The following MECR variants were observed in gnomAD, a reference collection of about 807,000 sequenced individuals.
MECR encodes the protein enoyl-[acyl-carrier-protein] reductase, mitochondrial.
In MECR, 37 loss-of-function variants were observed where a neutral mutation model predicts 49.1. The ratio of observed to expected loss-of-function variants is 0.75; its 90% CI spans 0.58 to 0.99. The LOEUF is 0.99. Among genes scored for constraint, MECR ranks in the 50% least tolerant of loss-of-function variants. The pLI, the probability that MECR is intolerant of heterozygous loss-of-function variation, is 0.00. For synonymous variants in MECR, 198 were observed against 191.1 expected (o/e 1.04, Z -0.30); for missense variants, 470 against 479.6 (o/e 0.98, Z 0.19).
rs1055805779 is a variant in MECR, at chr1:29,194,193, G to A, written c.965-14C>T. On this transcript the variant is annotated splice_polypyrimidine_tract_variant and intron_variant, in intron 9 of 9. Transcript: ENST00000263702. ...CCTTGAACTGGTCTGCGGGAGGTTGGAGGAAATCAGACAAGAGAACAGCAG... is the reference window on the plus strand; with the variant it reads ...CCTTGAACTGGTCTGCGGGAGGTTGAAGGAAATCAGACAAGAGAACAGCAG... The A allele has an allele frequency of 2.4e-5, 38 of 1,589,756 alleles. No individual in the cohort carries two copies. Among genetic ancestry groups the A allele is most frequent in the Non-Finnish European group, 3.1e-5 (36 of 1,168,022 alleles).
intron 9 of MECR, among the ~76,000 whole-genome samples, chr1:29,194,713 T>TCCTTCTCA (rs1673557988): frequency 6.6e-6 from 1 of 152,144 alleles, no homozygotes; most frequent in South Asian, 2.1e-4. Context: ...CCCTATATGG[T>TCCTTCTCA]ACAGGAAGTT....
chr1:29,169,294 C>G, the MECR span: 5 of 152,206 alleles, frequency 3.3e-5, no homozygotes, highest in Non-Finnish European at 7.3e-5. Context: ...TCTACCACCA[C>G]GTTTTAACCG....
At chr1:29,220,202 T>A (rs1428627621) in intron 1 of MECR, among the ~76,000 whole-genome samples, 1 of 145,544 alleles carries the variant, frequency 6.9e-6, no homozygotes, top group Admixed American at 7.0e-5. Context: ...ACCAGCCTGA[T>A]CAACATGGCG....
In MECR at chr1:29,225,222, C is replaced by T. The variant is rs370880609; in HGVS notation, c.176+5509G>A. ...CTGGTTTCAGCAGACACCTTTCTCACAGGATTACATGAGTGCACAGTAGGC... is the reference window on the plus strand; with the variant it reads ...CTGGTTTCAGCAGACACCTTTCTCATAGGATTACATGAGTGCACAGTAGGC... On this transcript the variant is annotated intron_variant, in intron 1 of 9. Transcript: ENST00000263702. Among the ~76,000 whole-genome samples, 37 of 152,310 alleles carry T rather than the reference C, an allele frequency of 2.4e-4. No homozygotes were observed. The South Asian group carries it at 7.0e-3, about 29-fold the overall frequency.
intron 3 of MECR, among the ~76,000 whole-genome samples, chr1:29,209,809 C>T (rs1574378735): frequency 6.6e-6 from 1 of 152,070 alleles, no homozygotes; most frequent in South Asian, 2.1e-4. Context: ...AGTGGCAGCT[C>T]GGGGCCCTTG....
At chr1:29,203,273 G>A in intron 4 of MECR, 40 bp from the exon 5 acceptor site, 2 of 1,478,890 alleles carry the variant, frequency 1.4e-6, no homozygotes, top group East Asian at 2.5e-5. Flanking sequence ...GCCCTGTATA[G>A]ATCTGCAATA....
chr1:29,182,563 G>C, the MECR span, among the ~76,000 whole-genome samples: 2 of 145,598 alleles, frequency 1.4e-5, no homozygotes, highest in South Asian at 2.2e-4. Flanking sequence ...TTTTTTTTTT[G>C]AGACGAGTTT....
chr1:29,206,704 G>GT, intron 4 of MECR, 58 bp downstream of exon 4: 1 of 1,595,114 alleles, frequency 6.3e-7, no homozygotes, highest in African/African-American at 1.3e-5. Context: ...GGGTCAGGAT[G>GT]TGAGTGGCAC....
rs139230560 is a variant in MECR at position 29,222,085 on chromosome 1, C to T, written c.177-5400G>A. Among the ~76,000 whole-genome samples, 431 of 152,226 alleles carry T rather than the reference C, an allele frequency of 2.8e-3. 1 individual carries two copies. Among genetic ancestry groups the T allele is most frequent in the African/African-American group, 1.0e-2 (415 of 41,542 alleles). The stretch of plus-strand genomic sequence containing the variant: ...GTGTGCTGAATTTTTCTTGGAGATA[C>T]TGTTAGGTATTTCTTTTCTTTTTTT... On this transcript the variant is annotated intron_variant, in intron 1 of 9. Transcript: ENST00000263702.
the MECR span, among the ~76,000 whole-genome samples, chr1:29,183,880 C>CTTT: frequency 3.2e-5 from 4 of 125,714 alleles, no homozygotes; most frequent in Non-Finnish European, 5.0e-5. Flanking sequence ...ATTTATTCTA[C>CTTT]TTTTTTTTTT....
intron 8 of MECR, 23 bp from the exon 9 acceptor site, chr1:29,196,036 C>T: frequency 6.2e-7 from 1 of 1,613,924 alleles, no homozygotes; most frequent in Non-Finnish European, 8.5e-7. Context: ...GAAGGACATG[C>T]TGGGCTCTGA....
the MECR span, among the ~76,000 whole-genome samples, chr1:29,176,769 A>T: frequency 6.6e-6 from 1 of 152,188 alleles, no homozygotes; most frequent in Non-Finnish European, 1.5e-5. Flanking sequence ...ACAAGGGCGA[A>T]AACAAAAATT....
At chr1:29,178,353 C>CTTCTTTTTTTTTTTTTTTTTTT in the MECR span, among the ~76,000 whole-genome samples, 1 of 127,888 alleles carries the variant, frequency 7.8e-6, no homozygotes, top group African/African-American at 3.0e-5. Flanking sequence ...GTTTCAATTA[C>CTTCTTTTTTTTTTTTTTTTTTT]TTTTTTTTTT....
At chr1:29,202,117 C>G in intron 5 of MECR, 72 bp from the exon 6 acceptor site, 1 of 1,307,800 alleles carries the variant, frequency 7.6e-7, no homozygotes, top group Non-Finnish European at 1.1e-6. Context: ...GACCTCTCTG[C>G]CACAGCTGGG....
chr1:29,174,575 C>G, the MECR span, among the ~76,000 whole-genome samples: 1 of 144,266 alleles, frequency 6.9e-6, no homozygotes, highest in Non-Finnish European at 1.5e-5. Flanking sequence ...TAGGGTGAAA[C>G]AAGCAAATTA....
chr1:29,206,917 G>A lies in MECR; in HGVS notation c.407-12C>T, dbSNP rs941328915. The A allele has an allele frequency of 2.5e-6, 4 of 1,613,830 alleles. No homozygotes were observed. The African/African-American group carries it at 5.3e-5, about 22-fold the overall frequency. The stretch of plus-strand genomic sequence containing the variant: ...GGTCCGCCAGGTTCCTGAGTCAGAA[G>A]ATGAAGCCAGGATCATAAGGAAGGA... On this transcript the variant is annotated splice_polypyrimidine_tract_variant and intron_variant, in intron 3 of 9. Transcript: ENST00000263702.
In MECR at chr1:29,201,527, C is replaced by G. The variant is rs1157220650; in HGVS notation, c.756+416G>C. ...AGTCTTAGTTTCCTAATCTGTAAAA[C>G]AGATAACAGTTCCTTTGAAAAGCTT... On this transcript the variant is annotated intron_variant, in intron 6 of 9. Coordinates refer to ENST00000263702, the MANE Select transcript of MECR (RefSeq NM_016011.5). This position sits in a 1 kb window ranked among gnomAD's most constrained non-coding sequence, Gnocchi z 4.3. 2.1e-6 allele frequency: 1 copy of G among 465,176 alleles called. No homozygotes were observed. The highest frequency in any genetic ancestry group is 1.6e-5 in the South Asian group (1 of 62,156). 28.8% of individuals were successfully genotyped at this position (465,176 alleles called of 1,614,324 possible).
the MECR span, chr1:29,169,253 T>C: frequency 2.6e-5 from 4 of 152,180 alleles, no homozygotes; most frequent in African/African-American, 9.7e-5. Context: ...GACCTGGGAT[T>C]CTTCACACCC....
intron 3 of MECR, among the ~76,000 whole-genome samples, chr1:29,209,698 G>A (rs924724889): frequency 1.3e-5 from 2 of 152,152 alleles, no homozygotes; most frequent in African/African-American, 4.8e-5. Context: ...GAAGAGGGTA[G>A]GCTTTGGAGT....
Sources: allele counts gnomAD v4.1 joint callset (sites outside exome capture counted in the v4.1 genomes callset), GRCh38; gene constraint gnomAD v4.1.1; non-coding constraint Gnocchi (gnomAD v3.1); transcripts MANE v1.5; gene names NCBI Gene and HGNC (gene_info 2026-07-23, HGNC 2026-07-21).